Variants in PDE3B observed in about 807,000 individuals in gnomAD.
The protein encoded by PDE3B is phosphodiesterase 3B.
PDE3B carries 66 observed loss-of-function variants against 116.8 expected under a neutral mutation model. That is an observed-to-expected ratio of 0.56 (90% CI 0.46 to 0.69). The LOEUF is 0.69. Among genes scored for constraint, PDE3B ranks in the 30% least tolerant of loss-of-function variants. PDE3B has a pLI of 0.00. For synonymous variants in PDE3B, 595 were observed against 533.6 expected, an observed-to-expected ratio of 1.12 and a Z score of -1.59; for missense variants, 1,384 against 1,368.1, an observed-to-expected ratio of 1.01 and a Z score of -0.18.
intron 1 of PDE3B, among the ~76,000 whole-genome samples, chr11:14,727,164 A>T (rs1856332418): frequency 6.6e-6 from 1 of 152,150 alleles, no homozygotes; most frequent in Non-Finnish European, 1.5e-5. Flanking sequence ...CTCTTCAGTA[A>T]ATTAAGCCTT....
the PDE3B span, chr11:14,891,194 A>G: frequency 2.0e-6 from 2 of 985,232 alleles, no homozygotes; most frequent in Non-Finnish European, 2.4e-6. Flanking sequence ...GTCACAGGGC[A>G]TTTCCGTGCT....
At chr11:14,869,404 G>A (rs1555008644) in intron 15 of PDE3B, 57 bp from the exon 16 acceptor site, 3 of 1,460,440 alleles carry the variant, frequency 2.1e-6, no homozygotes, top group Non-Finnish European at 2.8e-6. Context: ...CTTAATATTT[G>A]TTGAATGATT....
intron 12 of PDE3B, among the ~76,000 whole-genome samples, chr11:14,847,925 A>G (rs1847648062): frequency 6.6e-6 from 1 of 152,182 alleles, no homozygotes; most frequent in African/African-American, 2.4e-5. Flanking sequence ...AGGAACTGGT[A>G]CCATTCCTTC....
chr11:14,880,448 T>A, the PDE3B span: 1 of 1,613,494 alleles, frequency 6.2e-7, no homozygotes, highest in African/African-American at 1.3e-5. Context: ...GGAAAGGCAT[T>A]ATACAAGAAG....
At chr11:14,786,301 GA>G (rs1229202301) in intron 2 of PDE3B, 135 bp from the exon 3 acceptor site, 1 of 590,430 alleles carries the variant, frequency 1.7e-6, no homozygotes, top group Non-Finnish European at 2.7e-6. Context: ...ATCAGCTAGC[GA>G]AAAAGAAAAA....
At chr11:14,815,938 T>TACACAC (rs35596025) in intron 5 of PDE3B, among the ~76,000 whole-genome samples, 7,491 of 146,186 alleles carry the variant, frequency 0.051, 222 homozygotes, top group Middle Eastern at 0.075. Context: ...ATTATATTTA[T>TACACAC]ACACACACAC....
At chr11:14,879,416 A>G in the PDE3B span, 1 of 1,604,514 alleles carries the variant, frequency 6.2e-7, no homozygotes, top group Non-Finnish European at 8.5e-7. Flanking sequence ...AGGGCCCATA[A>G]TTAAATCAAT....
the PDE3B span, chr11:14,892,011 G>A: frequency 1.1e-5 from 17 of 1,613,510 alleles, no homozygotes; most frequent in Admixed American, 3.3e-5. Context: ...GCTTTCTCAT[G>A]TAGACATGGG....
intron 7 of PDE3B, among the ~76,000 whole-genome samples, chr11:14,824,598 A>G (rs781614998): frequency 7.2e-5 from 11 of 152,210 alleles, no homozygotes; most frequent in Non-Finnish European, 1.6e-4. Context: ...TTTTAAAAAG[A>G]ATGAAAAGGA....
chr11:14,688,802 C>T (rs1854965200), intron 1 of PDE3B, among the ~76,000 whole-genome samples: 1 of 152,026 alleles, frequency 6.6e-6, no homozygotes. Context: ...TTGAGACAGT[C>T]TTCTCTGTCA....
chr11:14,738,305 G>T (rs541812633), intron 1 of PDE3B, among the ~76,000 whole-genome samples: 1 of 152,148 alleles, frequency 6.6e-6, no homozygotes. Context: ...TTTAGTGATC[G>T]CCATTCTAAC....
the PDE3B span, among the ~76,000 whole-genome samples, chr11:14,899,009 C>T: frequency 6.6e-6 from 1 of 152,272 alleles, no homozygotes; most frequent in Non-Finnish European, 1.5e-5. Context: ...TCTGGCTGAG[C>T]CTGCACAGAT....
the PDE3B span, chr11:14,879,003 T>C: frequency 2.3e-6 from 2 of 885,188 alleles, no homozygotes; most frequent in Non-Finnish European, 3.6e-6. Flanking sequence ...TCTGTGTTTT[T>C]AGAATTGGGA....
At chr11:14,758,917 C>T (rs1409843099) in intron 1 of PDE3B, among the ~76,000 whole-genome samples, 1 of 151,898 alleles carries the variant, frequency 6.6e-6, no homozygotes, top group Non-Finnish European at 1.5e-5. Flanking sequence ...TCATAGATAG[C>T]TCTTATTATT....
chr11:14,667,499 T>C (rs986774976), intron 1 of PDE3B, among the ~76,000 whole-genome samples: 7 of 151,238 alleles, frequency 4.6e-5, no homozygotes, highest in Non-Finnish European at 7.4e-5. Context: ...CATGGAATAC[T>C]ATGCAGCCAT....
intron 4 of PDE3B, among the ~76,000 whole-genome samples, chr11:14,791,612 T>G (rs190698329): frequency 1.5e-4 from 23 of 152,286 alleles, no homozygotes; most frequent in Middle Eastern, 3.4e-3. Flanking sequence ...TATACTATTT[T>G]ATGCTTTCAT....
chr11:14,805,598 T>C (rs1858894606), intron 5 of PDE3B, among the ~76,000 whole-genome samples: 1 of 152,198 alleles, frequency 6.6e-6, no homozygotes, highest in South Asian at 2.1e-4. Flanking sequence ...AAAAATCTTT[T>C]AGTAAATCAG....
At position 14,864,034 on chromosome 11, in the gene PDE3B, CATCA is replaced by C. The variant is rs1253584612; in HGVS notation, c.2886+2669_2886+2672del. Among the ~76,000 whole-genome samples, 3 of 152,116 alleles carry C rather than the reference CATCA, an allele frequency of 2.0e-5. No individual in the cohort carries two copies. In the East Asian group the frequency reaches 5.8e-4, roughly 29 times the overall value. On this transcript the variant is annotated intron_variant, in intron 14 of 15. Transcript: ENST00000282096. The stretch of plus-strand genomic sequence containing the variant: ...GCAAATTGGATAAAGAGTTAAGACC[CATCA>C]GTGTGCTGTATTCAGGAGACCCATC...
Position 14,757,098 on chromosome 11 carries a change from C to T in PDE3B, c.979-14839C>T, listed in dbSNP as rs1298570255. On this transcript the variant is annotated intron_variant, in intron 1 of 15. Transcript: ENST00000282096. ...ATAGTTTACTGAGAATGATGATTTC[C>T]AGTATCATCCATGTCCCTACAAAGG... Among the ~76,000 whole-genome samples, 3 of 152,036 alleles carry T rather than the reference C, an allele frequency of 2.0e-5. No homozygotes were observed. In the East Asian group the frequency reaches 5.8e-4, roughly 29 times the overall value.
Sources: gnomAD v4.1 joint callset for allele counts (sites outside exome capture counted in the v4.1 genomes callset) on GRCh38, gnomAD v4.1.1 for gene constraint, MANE v1.5 for transcripts, NCBI Gene and HGNC (gene_info 2026-07-23, HGNC 2026-07-21) for gene names.